The following BTBD1 variants were observed in gnomAD, a reference collection of about 807,000 sequenced individuals.
The protein encoded by BTBD1 is BTB domain containing 1.
A neutral mutation model predicts 48.0 loss-of-function variants in BTBD1; 34 were observed. That is an observed-to-expected ratio of 0.71 (90% CI 0.54 to 0.94). BTBD1 has a LOEUF of 0.94. BTBD1 is among the 40% of genes least tolerant of loss of function. The pLI, the probability that BTBD1 is intolerant of heterozygous loss-of-function variation, is 0.00. For missense variants in BTBD1, 543 were observed against 625.6 expected, an observed-to-expected ratio of 0.87 and a Z score of 1.41; for synonymous variants, 261 against 242.1, an observed-to-expected ratio of 1.08 and a Z score of -0.72.
intron 4 of BTBD1, among the ~76,000 whole-genome samples, chr15:83,034,884 T>C (rs1335689561): frequency 6.6e-6 from 1 of 152,236 alleles, no homozygotes; most frequent in Non-Finnish European, 1.5e-5. Context: ...CATTAGTATA[T>C]ATTCCTTTCA....
Position 83,066,900 on chromosome 15 carries a change from A to AGCG in BTBD1, c.249_251dup (p.Ala84dup), listed in dbSNP as rs756489423. On this transcript the variant is annotated inframe_insertion, in exon 1 of 8. Coordinates refer to ENST00000261721, the MANE Select transcript of BTBD1 (RefSeq NM_025238.4). ...GGGCGGGGATGCGCTGCGGGCCCCC[A>AGCG]GCGGCGGCGGCGCCGCGACCCTTGC... The AGCG allele has an allele frequency of 3.2e-5, 48 of 1,514,676 alleles. No homozygotes were observed. In the South Asian group the frequency reaches 4.5e-4, roughly 14 times the overall value. The allele number at this position is 1,514,676 out of a possible 1,614,324, so 93.8% of individuals were successfully genotyped here. A position where few individuals can be genotyped will look rare whatever the true frequency, so the allele number is the denominator to read the frequency against.
intron 4 of BTBD1, among the ~76,000 whole-genome samples, chr15:83,031,723 C>T (rs902076594): frequency 4.6e-5 from 7 of 151,484 alleles, no homozygotes. Flanking sequence ...CACACGTATA[C>T]GTATGTAACA....
In BTBD1 at chr15:83,067,251, G is replaced by C; in HGVS notation, c.-100C>G. 1 of 1,217,552 alleles carries C rather than the reference G, an allele frequency of 8.2e-7. No homozygotes were observed. Among genetic ancestry groups the C allele is most frequent in the Non-Finnish European group, 1.1e-6 (1 of 950,834 alleles). 75.4% of individuals were successfully genotyped at this position (1,217,552 alleles called of 1,614,324 possible). A position where few individuals can be genotyped will look rare whatever the true frequency, so the allele number is the denominator to read the frequency against. ...GCTGCCTCCCTGCCTTCCGGGAAAG[G>C]CGCTTCCGGGGGCCTCGCGCCTCCG... On this transcript the variant is annotated 5_prime_UTR_variant, in exon 1 of 8. Transcript: ENST00000261721.
chr15:83,039,547 T>C (rs1006472017), intron 4 of BTBD1, among the ~76,000 whole-genome samples: 2 of 151,688 alleles, frequency 1.3e-5, no homozygotes, highest in Non-Finnish European at 2.9e-5. Context: ...CTGAGGCAGG[T>C]GGATCACTTC....
intron 2 of BTBD1, among the ~76,000 whole-genome samples, chr15:83,050,453 TGTG>T (rs2032961259): frequency 6.6e-6 from 1 of 151,902 alleles, no homozygotes; most frequent in African/African-American, 2.4e-5. Flanking sequence ...TGTGTGTGTG[TGTG>T]TGTGTGTGTA....
chr15:83,046,531 T>G (rs1181744115), intron 3 of BTBD1, among the ~76,000 whole-genome samples: 2 of 152,182 alleles, frequency 1.3e-5, no homozygotes, highest in African/African-American at 4.8e-5. Context: ...GGCACATACT[T>G]CAAGATTCCC....
In BTBD1 at chr15:83,017,125, TGG is replaced by T. The variant is rs1418030879; in HGVS notation, c.*940_*941del. ...TACTTCCTAAATAGAAATGTGTAGGTGGCAGAAAGCGTATTTTTCAGCAGGAG... is the reference window on the plus strand; with the variant it reads ...TACTTCCTAAATAGAAATGTGTAGGTCAGAAAGCGTATTTTTCAGCAGGAG... On this transcript the variant is annotated 3_prime_UTR_variant, in exon 8 of 8. Transcript: ENST00000261721. The T allele has an allele frequency of 1.3e-5, 2 of 152,662 alleles. No individual in the cohort carries two copies. Among genetic ancestry groups the T allele is most frequent in the Admixed American group, 1.3e-4 (2 of 15,276 alleles). The allele number at this position is 152,662 out of a possible 1,614,324, so 9.5% of individuals were successfully genotyped here. A position where few individuals can be genotyped will look rare whatever the true frequency, so the allele number is the denominator to read the frequency against.
In BTBD1 at chr15:83,020,678, T is replaced by C; in HGVS notation, c.1140A>G (p.Ile380Met). 1 of 1,577,498 alleles carries C rather than the reference T, an allele frequency of 6.3e-7. No homozygotes were observed. The highest frequency in any genetic ancestry group is 1.3e-5 in the African/African-American group (1 of 74,216). ...IHGPTDYQVN[I>M]QIIEYEKKQT... ...ATGGTGGGGGAGGAAACTGTACCTG[T>C]ATATTCACTTGATAATCTGTAGGGC... Residue 380 changes from isoleucine (I) to methionine (M), a missense_variant, in exon 6 of 8, where the codon ATA becomes ATG. By Grantham distance (10) the Ile-to-Met change is conservative (BLOSUM62 1). Coordinates refer to ENST00000261721, the MANE Select transcript of BTBD1 (RefSeq NM_025238.4).
intron 3 of BTBD1, among the ~76,000 whole-genome samples, chr15:83,047,936 A>AT: frequency 6.6e-6 from 1 of 152,254 alleles, no homozygotes; most frequent in East Asian, 1.9e-4. Context: ...ATATGGGCTG[A>AT]TTTTTTATTT....
chr15:83,060,813 A>G (rs912584652), intron 1 of BTBD1, among the ~76,000 whole-genome samples: 2 of 152,160 alleles, frequency 1.3e-5, no homozygotes, highest in African/African-American at 4.8e-5. Flanking sequence ...ATAAAATAAA[A>G]TAAAGTAAAT....
At chr15:83,057,427 A>G (rs1568657) in intron 1 of BTBD1, among the ~76,000 whole-genome samples, 33,080 of 152,202 alleles carry the variant, frequency 0.22, 4,103 homozygotes, top group East Asian at 0.56. Flanking sequence ...AGCATTTTGA[A>G]TAACGCCTGA....
chr15:83,064,230 T>G (rs1054687524), intron 1 of BTBD1, among the ~76,000 whole-genome samples: 3 of 152,202 alleles, frequency 2.0e-5, no homozygotes, highest in African/African-American at 7.2e-5. Context: ...TGTCACGTAT[T>G]AGCTAACAAC....
At chr15:83,039,599 C>T (rs2032703421) in intron 4 of BTBD1, among the ~76,000 whole-genome samples, 2 of 151,800 alleles carry the variant, frequency 1.3e-5, no homozygotes, top group Admixed American at 6.6e-5. Context: ...ATGGTGAAAC[C>T]CCATCTCTAC....
intron 6 of BTBD1, 72 bp downstream of exon 6, chr15:83,020,603 G>A (rs774349453): frequency 5.3e-5 from 55 of 1,043,598 alleles, no homozygotes; most frequent in Middle Eastern, 2.1e-4. Context: ...TTTGGATTCT[G>A]TCAAAACAAT....
intron 5 of BTBD1, chr15:83,024,218 T>G (rs2032360147): frequency 6.6e-6 from 1 of 152,224 alleles, no homozygotes; most frequent in Non-Finnish European, 1.5e-5. Flanking sequence ...ATATGCTTAC[T>G]GCCCACTGGA....
chr15:83,041,002 A>T (rs2032744663), intron 4 of BTBD1, among the ~76,000 whole-genome samples: 1 of 151,880 alleles, frequency 6.6e-6, no homozygotes, highest in African/African-American at 2.4e-5. Flanking sequence ...AAATTAAAAA[A>T]TTAGCTGAGC....
chr15:83,056,630 TTACTTA>T (rs2033088207), intron 1 of BTBD1, 85 bp from the exon 2 acceptor site: 2 of 1,175,304 alleles, frequency 1.7e-6, no homozygotes, highest in Admixed American at 2.1e-5. Flanking sequence ...TGAGGAGTAT[TTACTTA>T]TATTTTTATT....
In BTBD1 at chr15:83,017,389, A is replaced by AT. The variant is rs2032191403; in HGVS notation, c.*677dup. On this transcript the variant is annotated 3_prime_UTR_variant, in exon 8 of 8. Transcript: ENST00000261721. ...CAGTCTTAGATCCTGTTTATATCAC[A>AT]TTTTTGTGAATTTACACAAAATTCC... The AT allele has an allele frequency of 6.6e-6, 1 of 152,620 alleles. No individual in the cohort carries two copies. Among genetic ancestry groups the AT allele is most frequent in the Admixed American group, 6.5e-5 (1 of 15,268 alleles). The allele number at this position is 152,620 out of a possible 1,614,324, so 9.5% of individuals were successfully genotyped here. A position where few individuals can be genotyped will look rare whatever the true frequency, so the allele number is the denominator to read the frequency against.
intron 1 of BTBD1, among the ~76,000 whole-genome samples, chr15:83,062,860 T>C (rs2033198607): frequency 6.6e-6 from 1 of 152,156 alleles, no homozygotes; most frequent in Non-Finnish European, 1.5e-5. Flanking sequence ...TGTTCCCCTT[T>C]GCAACAAAAC....
Sources: gnomAD v4.1 joint callset for allele counts (sites outside exome capture counted in the v4.1 genomes callset) on GRCh38, gnomAD v4.1.1 for gene constraint, MANE v1.5 for transcripts, NCBI Gene and HGNC (gene_info 2026-07-23, HGNC 2026-07-21) for gene names.